The following RBM27 variants were observed in gnomAD, a reference collection of about 807,000 sequenced individuals.
RBM27 encodes RNA binding motif protein 27.
A neutral mutation model predicts 135.3 loss-of-function variants in RBM27; 22 were observed. The observed-to-expected ratio is 0.16, with a 90% CI of 0.12 to 0.23. RBM27 has a LOEUF of 0.23. Ranked by LOEUF, RBM27 falls within the 10% of genes least tolerant of loss-of-function variation. The probability of loss-of-function intolerance (pLI) is 1.00; values close to 1 mark genes in which losing one functional copy is unlikely to be tolerated. For missense variants in RBM27, 1,009 were observed against 1,281.0 expected, an observed-to-expected ratio of 0.79 and a Z score of 3.24; for synonymous variants, 481 against 442.4, an observed-to-expected ratio of 1.09 and a Z score of -1.10.
Position 146,284,576 on chromosome 5 carries a change from G to C in RBM27, c.2989-46G>C, listed in dbSNP as rs148907412. 3.4e-4 allele frequency: 420 copies of C among 1,236,474 alleles called. 2 individuals carry two copies. The East Asian group carries it at 9.1e-3, about 27-fold the overall frequency. 76.6% of individuals were successfully genotyped at this position (1,236,474 alleles called of 1,614,324 possible). A position where few individuals can be genotyped will look rare whatever the true frequency, so the allele number is the denominator to read the frequency against. On this transcript the variant is annotated intron_variant, in intron 19 of 20. Coordinates refer to ENST00000265271, the MANE Select transcript of RBM27 (RefSeq NM_018989.2). ...AACACAGAATTTGCAGAAATCATTA[G>C]TAAATTTGAGTGCAAACTTGTATGT...
intron 2 of RBM27, among the ~76,000 whole-genome samples, chr5:146,219,678 CAT>C (rs1389773846): frequency 6.6e-6 from 1 of 152,046 alleles, no homozygotes; most frequent in Non-Finnish European, 1.5e-5. Context: ...TTATGGCAAA[CAT>C]GTTCCCAACT....
chr5:146,257,515 A>G (rs1758156458), intron 10 of RBM27, among the ~76,000 whole-genome samples: 1 of 152,164 alleles, frequency 6.6e-6, no homozygotes, highest in Non-Finnish European at 1.5e-5. Context: ...GCTCTCTTGT[A>G]TACTCTCTCT....
At chr5:146,235,080 T>TAATGGC (rs1182942061) in intron 7 of RBM27, among the ~76,000 whole-genome samples, 31 of 104,942 alleles carry the variant, frequency 3.0e-4, no homozygotes, top group Admixed American at 2.9e-3. Context: ...AAATAAAAGA[T>TAATGGC]GGCAAATTTT....
chr5:146,211,464 C>CTTTTAT (rs1755944032), intron 1 of RBM27, among the ~76,000 whole-genome samples: 1 of 49,904 alleles, frequency 2.0e-5, no homozygotes, highest in Non-Finnish European at 3.7e-5. Flanking sequence ...ATGGTCTTAT[C>CTTTTAT]TTTTTTTTTT....
intron 3 of RBM27, among the ~76,000 whole-genome samples, chr5:146,227,414 AG>A (rs1322994435): frequency 6.6e-6 from 1 of 152,162 alleles, no homozygotes; most frequent in Admixed American, 6.5e-5. Flanking sequence ...GTGAGTGTGT[AG>A]TGATTTTGCT....
intron 8 of RBM27, among the ~76,000 whole-genome samples, chr5:146,241,116 A>G (rs1206326993): frequency 1.3e-5 from 2 of 152,132 alleles, no homozygotes; most frequent in Non-Finnish European, 2.9e-5. Context: ...TTATACTGTT[A>G]AATTTGGTAT....
At chr5:146,238,808 C>G (rs149857967) in intron 8 of RBM27, among the ~76,000 whole-genome samples, 1 of 152,158 alleles carries the variant, frequency 6.6e-6, no homozygotes, top group Non-Finnish European at 1.5e-5. Context: ...TCGTTAAGCC[C>G]AGTTTCAAAT....
At chr5:146,261,012 G>C in intron 12 of RBM27, 114 bp downstream of exon 12, 2 of 1,065,746 alleles carry the variant, frequency 1.9e-6, no homozygotes, top group Non-Finnish European at 2.7e-6. Flanking sequence ...TCTCTGCTAA[G>C]TGCTGTAAAT....
At position 146,209,045 on chromosome 5, in the gene RBM27, A is replaced by G. The variant is rs1043646491; in HGVS notation, c.59+5221A>G. On this transcript the variant is annotated intron_variant, in intron 1 of 20. Transcript: ENST00000265271. ...GTATCTATCTCTAATTCACTCTGTGACTTAGGATAAGTTGTCTAACCTTTT... is the reference window on the plus strand; with the variant it reads ...GTATCTATCTCTAATTCACTCTGTGGCTTAGGATAAGTTGTCTAACCTTTT... 2.0e-5 allele frequency among the ~76,000 whole-genome samples: 3 copies of G among 152,090 alleles called. No homozygotes were observed. The East Asian group carries it at 5.8e-4, about 29-fold the overall frequency.
At chr5:146,278,503 C>A (rs1488380248) in intron 19 of RBM27, among the ~76,000 whole-genome samples, 4 of 151,990 alleles carry the variant, frequency 2.6e-5, no homozygotes, top group African/African-American at 9.7e-5. Context: ...GATATTCTCT[C>A]TCTATATATA....
chr5:146,211,464 C>CTTTTTTTTTGTTTTTTTT (rs1755944378), intron 1 of RBM27, among the ~76,000 whole-genome samples: 1 of 49,904 alleles, frequency 2.0e-5, no homozygotes, highest in Admixed American at 3.9e-4. Flanking sequence ...ATGGTCTTAT[C>CTTTTTTTTTGTTTTTTTT]TTTTTTTTTT....
At chr5:146,246,356 A>G (rs888103797) in intron 8 of RBM27, among the ~76,000 whole-genome samples, 11 of 152,182 alleles carry the variant, frequency 7.2e-5, no homozygotes, top group African/African-American at 2.7e-4. Flanking sequence ...AGAAGTTGAA[A>G]ATATTGATAT....
At chr5:146,235,294 G>A (rs932314572) in intron 7 of RBM27, among the ~76,000 whole-genome samples, 2 of 151,870 alleles carry the variant, frequency 1.3e-5, no homozygotes, top group African/African-American at 2.4e-5. Flanking sequence ...AGTGGTGCAC[G>A]CCTGTAATTC....
intron 7 of RBM27, among the ~76,000 whole-genome samples, chr5:146,236,829 G>A (rs1309054440): frequency 6.6e-6 from 1 of 151,300 alleles, no homozygotes; most frequent in Non-Finnish European, 1.5e-5. Context: ...TCACCACGTT[G>A]GCCAAGCTGA....
chr5:146,226,179 T>C (rs966779262), intron 3 of RBM27, among the ~76,000 whole-genome samples: 2 of 152,022 alleles, frequency 1.3e-5, no homozygotes, highest in Non-Finnish European at 2.9e-5. Flanking sequence ...GGAAGAAAAC[T>C]TTCTTGAGTA....
intron 8 of RBM27, among the ~76,000 whole-genome samples, chr5:146,238,030 T>C (rs766919653): frequency 3.3e-5 from 5 of 152,152 alleles, no homozygotes; most frequent in Non-Finnish European, 7.4e-5. Flanking sequence ...TTGAAGCTTT[T>C]TAAAAAAATT....
chr5:146,237,220 G>C, intron 7 of RBM27, 78 bp from the exon 8 acceptor site: 2 of 1,553,042 alleles, frequency 1.3e-6, no homozygotes, highest in Non-Finnish European at 1.8e-6. Flanking sequence ...TTACAGGTGT[G>C]AGCCACTGCT....
Position 146,289,107 on chromosome 5 carries a change from TG to T in RBM27, c.*3078del, listed in dbSNP as rs1442603180. 6.6e-6 allele frequency: 1 copy of T among 151,444 alleles called. No homozygotes were observed. The highest frequency in any genetic ancestry group is 1.5e-5 in the Non-Finnish European group (1 of 67,812). The allele number at this position is 151,444 out of a possible 1,614,324, so 9.4% of individuals were successfully genotyped here. ...AGCATGTTGACTTTTGCAATAAAGA[TG>T]CAATATGGAATGGTTCACAATTGGA... On this transcript the variant is annotated 3_prime_UTR_variant, in exon 21 of 21. Transcript: ENST00000265271.
At chr5:146,265,901 G>A (rs1177642169) in intron 14 of RBM27, among the ~76,000 whole-genome samples, 3 of 152,142 alleles carry the variant, frequency 2.0e-5, no homozygotes, top group East Asian at 1.9e-4. Flanking sequence ...GAAACTATCC[G>A]TATTAACTCA....
Sources: gnomAD v4.1 joint callset for allele counts (sites outside exome capture counted in the v4.1 genomes callset) on GRCh38, gnomAD v4.1.1 for gene constraint, MANE v1.5 for transcripts, NCBI Gene and HGNC (gene_info 2026-07-23, HGNC 2026-07-21) for gene names.